The following PCNX1 variants were observed in gnomAD, a reference collection of about 807,000 sequenced individuals.
The protein encoded by PCNX1 is pecanex-like protein 1.
In PCNX1, 78 loss-of-function variants were observed where a neutral mutation model predicts 242.2. The ratio of observed to expected loss-of-function variants is 0.32; its 90% CI spans 0.27 to 0.39. The LOEUF (loss-of-function observed/expected upper bound fraction) is 0.39. Ranked by LOEUF, PCNX1 falls within the 10% of genes least tolerant of loss-of-function variation. The pLI, the probability that PCNX1 is intolerant of heterozygous loss-of-function variation, is 1.00. For missense variants in PCNX1, 2,581 were observed against 2,856.5 expected (o/e 0.90, Z 2.20); for synonymous variants, 1,024 against 1,032.9 (o/e 0.99, Z 0.17).
chr14:71,076,263 T>A lies in PCNX1; in HGVS notation c.5181T>A (p.Leu1727=), dbSNP rs543236252. 3.8e-5 allele frequency: 61 copies of A among 1,614,104 alleles called. No individual in the cohort carries two copies. The Admixed American group carries it at 5.3e-4, about 14-fold the overall frequency. The part of the protein sequence containing the change: ...WLANETMQEG[L]RLCADRNYVD... ...CTAATGAGACAATGCAGGAAGGACT[T>A]CGTCTGTGTGCTGATCGCAATTATG... Residue 1727 remains leucine, a synonymous_variant, in exon 28 of 36, where the codon CTT becomes CTA. Coordinates refer to ENST00000304743, the MANE Select transcript of PCNX1 (RefSeq NM_014982.3).
At chr14:70,965,178 ATTCT>A (rs1158239735) in intron 3 of PCNX1, among the ~76,000 whole-genome samples, 4 of 151,690 alleles carry the variant, frequency 2.6e-5, no homozygotes, top group African/African-American at 9.7e-5. Flanking sequence ...CATCATTTCC[ATTCT>A]TTCTTTTCAT....
At chr14:71,017,513 A>G (rs1443029447) in intron 11 of PCNX1, among the ~76,000 whole-genome samples, 1 of 152,178 alleles carries the variant, frequency 6.6e-6, no homozygotes, top group Non-Finnish European at 1.5e-5. Context: ...AATGTATCAT[A>G]GGCTTAAATG....
At chr14:70,939,264 C>T (rs2057135130) in intron 1 of PCNX1, among the ~76,000 whole-genome samples, 1 of 152,204 alleles carries the variant, frequency 6.6e-6, no homozygotes, top group Admixed American at 6.5e-5. Flanking sequence ...CTCTTCTGGA[C>T]ATTTAGTGCT....
rs531480797 is a variant in PCNX1, at chr14:71,110,646, G to T, written c.*711G>T. ...CAGGAACTGTGCTGCTCATTTTTCT[G>T]TTAGTAGTGTGTACTTCATGCCAGG... On this transcript the variant is annotated 3_prime_UTR_variant, in exon 36 of 36. Transcript: ENST00000304743. 85 of 152,306 alleles carry T rather than the reference G, an allele frequency of 5.6e-4. No homozygotes were observed. Among genetic ancestry groups the T allele is most frequent in the Non-Finnish European group, 1.1e-3 (75 of 68,116 alleles). 9.4% of individuals were successfully genotyped at this position (152,306 alleles called of 1,614,324 possible). A position where few individuals can be genotyped will look rare whatever the true frequency, so the allele number is the denominator to read the frequency against.
intron 6 of PCNX1, among the ~76,000 whole-genome samples, chr14:70,979,971 T>G (rs916348916): frequency 1.3e-5 from 2 of 152,018 alleles, no homozygotes; most frequent in African/African-American, 4.8e-5. Flanking sequence ...CTCTTTTTTT[T>G]TTTTTTTGTA....
At chr14:70,948,890 T>TAC (rs571579518) in intron 2 of PCNX1, among the ~76,000 whole-genome samples, 3 of 148,664 alleles carry the variant, frequency 2.0e-5, no homozygotes, top group Non-Finnish European at 4.5e-5. Context: ...TGTGTATATA[T>TAC]ACACACATAC....
chr14:71,040,947 T>C (rs1566736301), intron 19 of PCNX1, among the ~76,000 whole-genome samples: 1 of 152,174 alleles, frequency 6.6e-6, no homozygotes, highest in Non-Finnish European at 1.5e-5. Flanking sequence ...ACCAGGCTTA[T>C]TTCACTTAAC....
At chr14:70,987,114 C>T (rs1014337177) in intron 6 of PCNX1, among the ~76,000 whole-genome samples, 1 of 152,148 alleles carries the variant, frequency 6.6e-6, no homozygotes, top group African/African-American at 2.4e-5. Flanking sequence ...TCCTTTGTGG[C>T]AATGCTGATT....
chr14:70,942,145 C>A (rs895035558), intron 1 of PCNX1, among the ~76,000 whole-genome samples: 6 of 152,084 alleles, frequency 3.9e-5, no homozygotes. Flanking sequence ...GTCCGACAGG[C>A]CCCAGTGAGG....
chr14:70,907,820 GCGGCGGCGA>G lies in PCNX1; in HGVS notation c.-22_-14del, dbSNP rs1314332263. On this transcript the variant is annotated 5_prime_UTR_variant, in exon 1 of 36. Coordinates refer to ENST00000304743, the MANE Select transcript of PCNX1 (RefSeq NM_014982.3). ...GGCCGGGGCGGGGACGGCGGCGGCG[GCGGCGGCGA>G]CGGCGGCGGCGCCGGGTGGGGATGG... is the stretch of plus-strand genomic sequence containing the variant. The G allele has an allele frequency of 4.4e-5, 55 of 1,244,974 alleles. No homozygotes were observed. Among genetic ancestry groups the G allele is most frequent in the African/African-American group, 9.5e-5 (6 of 63,396 alleles). 77.1% of individuals were successfully genotyped at this position (1,244,974 alleles called of 1,614,324 possible). A position where few individuals can be genotyped will look rare whatever the true frequency, so the allele number is the denominator to read the frequency against.
chr14:71,089,259 C>G lies in PCNX1; in HGVS notation c.5506C>G (p.Arg1836Gly). 6.2e-7 allele frequency: 1 copy of G among 1,610,816 alleles called. No individual in the cohort carries two copies. The highest frequency in any genetic ancestry group is 2.2e-5 in the East Asian group (1 of 44,852). The part of the protein sequence containing the change: ...FKGDFRISSI[R>G]DEWIFADMEL... The stretch of plus-strand genomic sequence containing the variant: ...AGGAGATTTCCGTATTTCTTCAATT[C>G]GAGATGAATGGATCTTTGCTGACAT... The change falls in exon 30 of 36, where the codon CGA becomes GGA. Residue 1836 changes from arginine to glycine, a missense_variant. Coordinates refer to ENST00000304743, the MANE Select transcript of PCNX1 (RefSeq NM_014982.3).
chr14:71,076,160 T>G, intron 27 of PCNX1, 29 bp from the exon 28 acceptor site: 2 of 1,312,898 alleles, frequency 1.5e-6, no homozygotes, highest in Non-Finnish European at 2.2e-6. Context: ...TTAATCTGAA[T>G]TCTTTTTTTT....
intron 28 of PCNX1, among the ~76,000 whole-genome samples, chr14:71,079,468 A>T (rs2061798262): frequency 6.6e-6 from 1 of 152,212 alleles, no homozygotes; most frequent in Non-Finnish European, 1.5e-5. Flanking sequence ...CCAACAGTGT[A>T]AAAGCATTCC....
intron 8 of PCNX1, among the ~76,000 whole-genome samples, chr14:71,006,552 T>A (rs1304299650): frequency 6.6e-6 from 1 of 152,080 alleles, no homozygotes; most frequent in Non-Finnish European, 1.5e-5. Flanking sequence ...TTAGAAAAAA[T>A]TAGTATTGAA....
rs1036492452 is a variant in PCNX1, at chr14:71,064,278, T to C, written c.4852+6554T>C. ...ATCTTTTTTCAATTATTAATATTGC[T>C]ATAATTATTGACTTCATTTTCTGAG... On this transcript the variant is annotated intron_variant, in intron 26 of 35. Transcript: ENST00000304743. Among the ~76,000 whole-genome samples the C allele has an allele frequency of 3.3e-5, 5 of 152,286 alleles. No individual in the cohort carries two copies. In the East Asian group the frequency reaches 9.6e-4, roughly 29 times the overall value.
At chr14:71,030,085 G>GT (rs900095973) in intron 16 of PCNX1, among the ~76,000 whole-genome samples, 1 of 152,078 alleles carries the variant, frequency 6.6e-6, no homozygotes, top group Non-Finnish European at 1.5e-5. Context: ...ACATCTTTTG[G>GT]TTTTTTTAGT....
intron 30 of PCNX1, among the ~76,000 whole-genome samples, chr14:71,097,388 T>C (rs756424819): frequency 4.6e-5 from 7 of 152,234 alleles, no homozygotes; most frequent in Non-Finnish European, 1.0e-4. Flanking sequence ...CTCCAACTGC[T>C]TTCCACAGTG....
intron 6 of PCNX1, among the ~76,000 whole-genome samples, chr14:70,980,655 G>A (rs1268793876): frequency 1.3e-5 from 2 of 151,906 alleles, no homozygotes; most frequent in East Asian, 1.9e-4. Flanking sequence ...GGTTGGAGGT[G>A]GTAGAAGGGG....
intron 1 of PCNX1, among the ~76,000 whole-genome samples, chr14:70,936,670 T>A (rs1263512736): frequency 6.6e-6 from 1 of 152,224 alleles, no homozygotes; most frequent in Non-Finnish European, 1.5e-5. Flanking sequence ...CTGGGTCAAA[T>A]GGTATCTCTA....
Sources: gnomAD v4.1 joint callset for allele counts (sites outside exome capture counted in the v4.1 genomes callset) on GRCh38, gnomAD v4.1.1 for gene constraint, MANE v1.5 for transcripts, NCBI Gene and HGNC (gene_info 2026-07-23, HGNC 2026-07-21) for gene names.